The following GRIN2B variants were observed in gnomAD, a reference collection of about 807,000 sequenced individuals.
The protein encoded by GRIN2B is glutamate ionotropic receptor NMDA type subunit 2B.
A neutral mutation model predicts 114.5 loss-of-function variants in GRIN2B; 5 were observed. That is an observed-to-expected ratio of 0.04 (90% CI 0.02 to 0.09). The LOEUF is 0.09. Ranked by LOEUF, GRIN2B falls within the 10% of genes least tolerant of loss-of-function variation. GRIN2B has a pLI of 1.00. For missense variants in GRIN2B, 1,108 were observed against 1,943.5 expected, an observed-to-expected ratio of 0.57 and a Z score of 8.08; for synonymous variants, 787 against 745.1, an observed-to-expected ratio of 1.06 and a Z score of -0.92.
chr12:13,706,015 C>A (rs895076062), intron 4 of GRIN2B, among the ~76,000 whole-genome samples: 3 of 152,100 alleles, frequency 2.0e-5, no homozygotes, highest in Non-Finnish European at 2.9e-5. Flanking sequence ...AACCTCCCGG[C>A]TGATTAATTA....
intron 3 of GRIN2B, among the ~76,000 whole-genome samples, chr12:13,767,017 G>C (rs985062833): frequency 6.6e-6 from 1 of 152,188 alleles, no homozygotes; most frequent in African/African-American, 2.4e-5. Flanking sequence ...AACACTTTGG[G>C]AGGCCGAGGC....
chr12:13,543,644 A>G lies in GRIN2B; in HGVS notation c.*19139T>C, dbSNP rs970999290. ...CTTTATGCCCCCTAGCATGTCTCCT[A>G]TATTTTTGGTGTCTCCGACATTTTT... On this transcript the variant is annotated 3_prime_UTR_variant, in exon 14 of 14. Transcript: ENST00000609686. 3.3e-5 allele frequency: 5 copies of G among 152,056 alleles called. No individual in the cohort carries two copies. The highest frequency in any genetic ancestry group is 6.6e-5 in the Admixed American group (1 of 15,266). 9.4% of individuals were successfully genotyped at this position (152,056 alleles called of 1,614,324 possible).
At chr12:13,599,341 T>A (rs1287714563) in intron 10 of GRIN2B, among the ~76,000 whole-genome samples, 3 of 152,152 alleles carry the variant, frequency 2.0e-5, no homozygotes, top group Non-Finnish European at 2.9e-5. Context: ...TTTTCCACTC[T>A]TGCCACCATT....
rs375940899 is a variant in GRIN2B at position 13,825,496 on chromosome 12, T to TTTTTTTTGTGTGTGTG, written c.411+40301_411+40302insCACACACACAAAAAAA. 8.6e-4 allele frequency among the ~76,000 whole-genome samples: 106 copies of TTTTTTTTGTGTGTGTG among 122,964 alleles called. 1 individual carries two copies. The highest frequency in any genetic ancestry group is 3.1e-3 in the African/African-American group (100 of 32,088). 80.7% of individuals were successfully genotyped at this position (122,964 alleles called of 152,430 possible). On this transcript the variant is annotated intron_variant, in intron 3 of 13. Coordinates refer to ENST00000609686, the MANE Select transcript of GRIN2B (RefSeq NM_000834.5). ...TATATATAATAAATATATATATATT[T>TTTTTTTTGTGTGTGTG]TGTGTGTGTGTGTGTGTGTGTGTGT... is the stretch of plus-strand genomic sequence containing the variant.
chr12:13,916,447 T>C (rs1182560951), intron 2 of GRIN2B, among the ~76,000 whole-genome samples: 1 of 152,098 alleles, frequency 6.6e-6, no homozygotes, highest in Non-Finnish European at 1.5e-5. Flanking sequence ...ATTAAATGTG[T>C]TGTGTGAATG....
chr12:13,788,417 T>A (rs1389216881), intron 3 of GRIN2B, among the ~76,000 whole-genome samples: 1 of 152,138 alleles, frequency 6.6e-6, no homozygotes, highest in Non-Finnish European at 1.5e-5. Flanking sequence ...CAGAGAAAAA[T>A]TATAAAAATC....
chr12:13,724,540 A>G (rs1862942802), intron 4 of GRIN2B, among the ~76,000 whole-genome samples: 1 of 152,096 alleles, frequency 6.6e-6, no homozygotes, highest in Non-Finnish European at 1.5e-5. Context: ...ACTTTGGCAA[A>G]ATATTGAAAA....
At chr12:13,823,096 T>A (rs11611101) in intron 3 of GRIN2B, among the ~76,000 whole-genome samples, 32,916 of 151,946 alleles carry the variant, frequency 0.22, 3,824 homozygotes, top group Non-Finnish European at 0.23. Flanking sequence ...TTTTAAGGTA[T>A]TGTAAGTCCC....
At chr12:13,785,840 C>G (rs1191782613) in intron 3 of GRIN2B, among the ~76,000 whole-genome samples, 2 of 152,142 alleles carry the variant, frequency 1.3e-5, no homozygotes, top group Non-Finnish European at 2.9e-5. Flanking sequence ...AAATGTTAAT[C>G]CGTTGTCAAA....
chr12:13,929,680 T>C (rs1866987386), intron 2 of GRIN2B, among the ~76,000 whole-genome samples: 1 of 152,216 alleles, frequency 6.6e-6, no homozygotes, highest in Admixed American at 6.5e-5. Context: ...CTAGGTCCAA[T>C]TTCCAAACTC....
intron 10 of GRIN2B, among the ~76,000 whole-genome samples, chr12:13,595,813 G>C (rs1319403707): frequency 6.6e-6 from 1 of 152,206 alleles, no homozygotes; most frequent in Non-Finnish European, 1.5e-5. Flanking sequence ...GATTGGCAGA[G>C]AGAAAGGGAT....
intron 4 of GRIN2B, among the ~76,000 whole-genome samples, chr12:13,682,800 C>T (rs1950142982): frequency 6.6e-6 from 1 of 152,110 alleles, no homozygotes; most frequent in Non-Finnish European, 1.5e-5. Flanking sequence ...TGTGTAAATT[C>T]ACCATCTATT....
At chr12:13,798,218 C>T (rs1864449495) in intron 3 of GRIN2B, among the ~76,000 whole-genome samples, 1 of 151,852 alleles carries the variant, frequency 6.6e-6, no homozygotes, top group African/African-American at 2.4e-5. Flanking sequence ...TTTGAAATGG[C>T]TTTTGTGTGT....
intron 4 of GRIN2B, among the ~76,000 whole-genome samples, chr12:13,734,768 A>G (rs1863151529): frequency 2.0e-5 from 3 of 152,176 alleles, no homozygotes; most frequent in African/African-American, 7.2e-5. Context: ...GGAATGACTA[A>G]TTCTGCCTGG....
Position 13,753,434 on chromosome 12 carries a change from G to T in GRIN2B, c.893C>A (p.Ala298Asp). ...GTCAGAAGCAGCAGTGGTGATTATGGCAATTCCATCTCTCACTCTGGCGGG... is the reference window on the plus strand; with the variant it reads ...GTCAGAAGCAGCAGTGGTGATTATGTCAATTCCATCTCTCACTCTGGCGGG... ...GLPARVRDGI[A>D]IITTAASDML... is the part of the protein sequence containing the mutation. The change falls in exon 4 of 14, where the codon GCC becomes GAC. Residue 298 changes from alanine (A) to aspartate (D), a missense_variant. By Grantham distance (126) the Ala-to-Asp change is moderately radical (BLOSUM62 -2). Coordinates refer to ENST00000609686, the MANE Select transcript of GRIN2B (RefSeq NM_000834.5). The surrounding 1 kb of genome is among the most constrained non-coding windows in gnomAD (Gnocchi z 6.2). 1 of 1,613,880 alleles carries T rather than the reference G, an allele frequency of 6.2e-7. No individual in the cohort carries two copies. Among genetic ancestry groups the T allele is most frequent in the Non-Finnish European group, 8.5e-7 (1 of 1,179,764 alleles).
At chr12:13,670,294 T>C (rs1039412583) in intron 5 of GRIN2B, 2 of 152,112 alleles carry the variant, frequency 1.3e-5, no homozygotes, top group African/African-American at 4.8e-5. Context: ...TTCTGGTAGG[T>C]GGAGGCAGGG....
At chr12:13,837,186 C>A (rs991328562) in intron 3 of GRIN2B, among the ~76,000 whole-genome samples, 2 of 152,196 alleles carry the variant, frequency 1.3e-5, no homozygotes, top group Non-Finnish European at 2.9e-5. Flanking sequence ...GGCCTCAAGG[C>A]CTTTAGGGGG....
chr12:13,643,138 A>C (rs1304238228), intron 5 of GRIN2B, among the ~76,000 whole-genome samples: 1 of 152,176 alleles, frequency 6.6e-6, no homozygotes, highest in East Asian at 1.9e-4. Flanking sequence ...TCTTTAGGAA[A>C]TATATAAAGG....
At chr12:13,585,563 A>G (rs565149375) in intron 10 of GRIN2B, among the ~76,000 whole-genome samples, 1 of 152,342 alleles carries the variant, frequency 6.6e-6, no homozygotes, top group Non-Finnish European at 1.5e-5. Flanking sequence ...CGGGGTTCAC[A>G]ACGGACCATC....
Sources: gnomAD v4.1 joint callset for allele counts (sites outside exome capture counted in the v4.1 genomes callset) on GRCh38, gnomAD v4.1.1 for gene constraint, Gnocchi (gnomAD v3.1) non-coding constraint, MANE v1.5 for transcripts, NCBI Gene and HGNC (gene_info 2026-07-23, HGNC 2026-07-21) for gene names.